Variants in ARSG observed in about 807,000 individuals in gnomAD.
ARSG encodes the protein ASG.
In ARSG, 37 loss-of-function variants were observed where a neutral mutation model predicts 50.5. The observed-to-expected ratio is 0.73, with a 90% confidence interval of 0.56 to 0.96. ARSG has a LOEUF of 0.96. ARSG is among the 50% of genes least tolerant of loss of function. ARSG has a pLI of 0.00. For synonymous variants in ARSG, 225 were observed against 254.6 expected (o/e 0.88, Z 1.11); for missense variants, 629 against 675.3 (o/e 0.93, Z 0.76).
downstream of ARSG, chr17:68,425,979 G>A (rs2083141584): frequency 1.1e-6 from 1 of 935,598 alleles, no homozygotes; most frequent in Non-Finnish European, 1.7e-6. Flanking sequence ...TTATAGATTA[G>A]AAAACAGGGA....
the ARSG span, among the ~76,000 whole-genome samples, chr17:68,429,186 G>C: frequency 1.3e-5 from 2 of 151,942 alleles, no homozygotes; most frequent in African/African-American, 2.4e-5. Context: ...CTGCGACCCT[G>C]CGAGAAGCAA....
chr17:68,428,872 C>T, the ARSG span: 1 of 1,614,164 alleles, frequency 6.2e-7, no homozygotes, highest in Non-Finnish European at 8.5e-7. Flanking sequence ...TCCTGAGGAT[C>T]CAAATTGTAC....
At chr17:68,412,643 A>G (rs2082077578) in intron 11 of ARSG, among the ~76,000 whole-genome samples, 1 of 152,022 alleles carries the variant, frequency 6.6e-6, no homozygotes, top group African/African-American at 2.4e-5. Flanking sequence ...CGTTCTCTGT[A>G]TTTCCTGAAT....
At chr17:68,421,936 G>A, downstream of ARSG, 1 of 1,347,968 alleles carries the variant, frequency 7.4e-7, no homozygotes, top group Non-Finnish European at 1.1e-6. Context: ...GGGCACTGTG[G>A]AATTTTTCTG....
At chr17:68,317,588 G>A (rs1286777791) in intron 2 of ARSG, among the ~76,000 whole-genome samples, 2 of 151,968 alleles carry the variant, frequency 1.3e-5, no homozygotes, top group African/African-American at 2.4e-5. Context: ...GCACCGCAAG[G>A]CCCCAAGTCC....
chr17:68,429,770 G>A, the ARSG span, among the ~76,000 whole-genome samples: 2 of 152,124 alleles, frequency 1.3e-5, no homozygotes, highest in African/African-American at 4.8e-5. Flanking sequence ...TGTATTTTTA[G>A]TAGAGACGGG....
chr17:68,313,666 C>T (rs992981229), intron 2 of ARSG, among the ~76,000 whole-genome samples: 5 of 147,054 alleles, frequency 3.4e-5, no homozygotes, highest in Admixed American at 7.2e-5. Context: ...AGCTGTATTA[C>T]GTATCTCTCT....
intron 3 of ARSG, chr17:68,346,836 T>A: frequency 7.3e-7 from 1 of 1,375,588 alleles, no homozygotes; most frequent in Non-Finnish European, 9.6e-7. Context: ...TGTGGAGCCC[T>A]CTTTGAGGGG....
chr17:68,294,264 G>T (rs2076127552), intron 1 of ARSG, among the ~76,000 whole-genome samples: 1 of 152,186 alleles, frequency 6.6e-6, no homozygotes, highest in East Asian at 1.9e-4. Flanking sequence ...TGGCTCTTCA[G>T]AGCTGTCCCC....
the ARSG span, among the ~76,000 whole-genome samples, chr17:68,431,839 G>T: frequency 6.6e-6 from 1 of 152,250 alleles, no homozygotes; most frequent in Admixed American, 6.5e-5. Flanking sequence ...AGACAGAAAC[G>T]GGAGAGCCTG....
chr17:68,346,462 C>A (rs577541873), intron 3 of ARSG, among the ~76,000 whole-genome samples: 1 of 152,282 alleles, frequency 6.6e-6, no homozygotes, highest in South Asian at 2.1e-4. Context: ...TTTCTTTGCC[C>A]CCTCACCATG....
chr17:68,325,489 T>C (rs2077468519), intron 2 of ARSG, among the ~76,000 whole-genome samples: 1 of 152,124 alleles, frequency 6.6e-6, no homozygotes, highest in Non-Finnish European at 1.5e-5. Flanking sequence ...AAACCATCCC[T>C]CCCAACCCCT....
intron 2 of ARSG, among the ~76,000 whole-genome samples, chr17:68,310,055 C>A (rs1555766177): frequency 6.6e-6 from 1 of 150,778 alleles, no homozygotes; most frequent in African/African-American, 2.4e-5. Context: ...CTCACTGCAA[C>A]CTCCATCTCC....
chr17:68,430,541 T>C, the ARSG span, among the ~76,000 whole-genome samples: 1 of 152,172 alleles, frequency 6.6e-6, no homozygotes, highest in Non-Finnish European at 1.5e-5. Context: ...GCCGGGCTCA[T>C]GGAAGAACAG....
At chr17:68,282,803 C>CCAGGTGTGCT (rs1305938511) in intron 1 of ARSG, among the ~76,000 whole-genome samples, 1 of 68,058 alleles carries the variant, frequency 1.5e-5, no homozygotes, top group Non-Finnish European at 2.9e-5. Flanking sequence ...AAAAAAAAGG[C>CCAGGTGTGCT]CAGGTGTGCT....
chr17:68,372,877 A>AT lies in ARSG; in HGVS notation c.982+2385dup, dbSNP rs55668215. On this transcript the variant is annotated intron_variant, in intron 8 of 11. Transcript: ENST00000621439. ...TTCTGGTGCAGAGAAGGAAATGCTG[A>AT]TTTTTTTTTTTTTTTTTTTTTTTTT... Among the ~76,000 whole-genome samples, 784 of 93,060 alleles carry AT rather than the reference A, an allele frequency of 8.4e-3. 96 individuals carry two copies. Among genetic ancestry groups the AT allele is most frequent in the Admixed American group, 0.03 (236 of 7,792 alleles). The allele number at this position is 93,060 out of a possible 152,430, so 61.1% of individuals were successfully genotyped here. A position where few individuals can be genotyped will look rare whatever the true frequency, so the allele number is the denominator to read the frequency against.
At chr17:68,428,897 A>G in the ARSG span, 1 of 1,614,176 alleles carries the variant, frequency 6.2e-7, no homozygotes, top group Non-Finnish European at 8.5e-7. Context: ...AAAGGTGTCC[A>G]CTGGATGACG....
At chr17:68,308,731 T>C (rs1240465122) in intron 2 of ARSG, among the ~76,000 whole-genome samples, 2 of 152,242 alleles carry the variant, frequency 1.3e-5, no homozygotes, top group Admixed American at 6.5e-5. Context: ...AGGGTGCTGA[T>C]TGGTGTGTTT....
chr17:68,348,520 C>G (rs1013612153), intron 4 of ARSG, among the ~76,000 whole-genome samples: 1 of 152,086 alleles, frequency 6.6e-6, no homozygotes, highest in Non-Finnish European at 1.5e-5. Flanking sequence ...TGCTTATGTC[C>G]AAGTTCACTC....
Sources: gnomAD v4.1 joint callset for allele counts (sites outside exome capture counted in the v4.1 genomes callset) on GRCh38, gnomAD v4.1.1 for gene constraint, MANE v1.5 for transcripts, NCBI Gene and HGNC (gene_info 2026-07-23, HGNC 2026-07-21) for gene names.